Variants in MAD1L1 observed in about 807,000 individuals in gnomAD.
MAD1L1 encodes the protein mitotic arrest deficient 1 like 1.
A neutral mutation model predicts 96.9 loss-of-function variants in MAD1L1; 95 were observed. That is an observed-to-expected ratio of 0.98 (90% CI 0.83 to 1.16). The LOEUF (loss-of-function observed/expected upper bound fraction) is 1.16, where lower values mean the gene tolerates loss of function less well. Among genes scored for constraint, MAD1L1 ranks in the 50% most tolerant of loss-of-function variants. The pLI is 0.00. For synonymous variants in MAD1L1, 473 were observed against 396.6 expected (o/e 1.19, Z -2.29); for missense variants, 1,007 against 954.4 (o/e 1.06, Z -0.73).
At position 1,871,806 on chromosome 7, in the gene MAD1L1, G is replaced by A. The variant is rs181514700; in HGVS notation, c.1998+26394C>T. On this transcript the variant is annotated intron_variant, in intron 18 of 18. Transcript: ENST00000265854. The stretch of plus-strand genomic sequence containing the variant: ...CTGAACTCCTGCACCTGTGATGGCG[G>A]TGCAGGCTTCCCCGGAGGGCCAGCA... 4.6e-4 allele frequency among the ~76,000 whole-genome samples: 70 copies of A among 152,342 alleles called. 2 individuals carry two copies. In the East Asian group the frequency reaches 0.012, roughly 26 times the overall value.
intron 18 of MAD1L1, among the ~76,000 whole-genome samples, chr7:1,829,280 C>T (rs1235934832): frequency 6.6e-6 from 1 of 152,214 alleles, no homozygotes; most frequent in African/African-American, 2.4e-5. Context: ...TGCTGGCTTC[C>T]CCTCTGCAGT....
At chr7:2,124,557 G>C (rs1359389931) in intron 11 of MAD1L1, among the ~76,000 whole-genome samples, 1 of 152,200 alleles carries the variant, frequency 6.6e-6, no homozygotes, top group East Asian at 1.9e-4. Flanking sequence ...GACTGCCCAG[G>C]GGTGCAGTGA....
Position 1,939,637 on chromosome 7 carries a change from G to A in MAD1L1, c.1597-2740C>T, listed in dbSNP as rs539021451. 4.6e-5 allele frequency among the ~76,000 whole-genome samples: 7 copies of A among 152,322 alleles called. No homozygotes were observed. The South Asian group carries it at 1.2e-3, about 27-fold the overall frequency. ...GCAATGAGTTCCTGCCACCCTTGGGGCTTCTGCCCACGCACTCTCCTATCT... is the reference window on the plus strand; with the variant it reads ...GCAATGAGTTCCTGCCACCCTTGGGACTTCTGCCCACGCACTCTCCTATCT... On this transcript the variant is annotated intron_variant, in intron 16 of 18. Coordinates refer to ENST00000265854, the MANE Select transcript of MAD1L1 (RefSeq NM_001013836.2).
Position 1,894,836 on chromosome 7 carries a change from C to T in MAD1L1, c.1998+3364G>A, listed in dbSNP as rs1786767582. The stretch of plus-strand genomic sequence containing the variant: ...AGTAGAGGGTGGGGGTTGGGTGAGG[C>T]TGGGGGAAAGAGGCTGTGAAAAGAA... On this transcript the variant is annotated intron_variant, in intron 18 of 18. Transcript: ENST00000265854. Among the ~76,000 whole-genome samples the T allele has an allele frequency of 2.0e-5, 3 of 151,128 alleles. No individual in the cohort carries two copies. In the South Asian group the frequency reaches 6.3e-4, roughly 32 times the overall value.
intron 18 of MAD1L1, among the ~76,000 whole-genome samples, chr7:1,859,810 CA>C (rs1784434063): frequency 6.7e-6 from 1 of 149,966 alleles, no homozygotes. Flanking sequence ...ACGTGACATC[CA>C]GCGGGGTGGC....
chr7:1,898,070 TCCCGCCCAGCCCTC>T (rs1188697782), intron 18 of MAD1L1, 116 bp downstream of exon 18: 38 of 993,462 alleles, frequency 3.8e-5, no homozygotes, highest in Non-Finnish European at 5.1e-5. Context: ...TGCACCTCCT[TCCCGCCCAGCCCTC>T]CACACCATCC....
intron 18 of MAD1L1, among the ~76,000 whole-genome samples, chr7:1,859,571 A>C (rs1784418987): frequency 6.6e-6 from 1 of 152,106 alleles, no homozygotes; most frequent in Non-Finnish European, 1.5e-5. Flanking sequence ...TTCTCTGGGG[A>C]CCTTATGGCA....
chr7:2,165,356 G>A (rs1168866264), intron 10 of MAD1L1, among the ~76,000 whole-genome samples: 4 of 152,246 alleles, frequency 2.6e-5, no homozygotes, highest in African/African-American at 9.6e-5. Context: ...ATCTGGACGA[G>A]TGCACATGTT....
At chr7:1,929,317 T>C (rs12699477) in intron 17 of MAD1L1, among the ~76,000 whole-genome samples, 44,200 of 152,142 alleles carry the variant, frequency 0.29, 7,714 homozygotes, top group East Asian at 0.47. Context: ...TTTGATCACC[T>C]TCAATGTGCT....
intron 11 of MAD1L1, among the ~76,000 whole-genome samples, chr7:2,117,328 G>A (rs2128559408): frequency 6.6e-6 from 1 of 152,226 alleles, no homozygotes; most frequent in East Asian, 1.9e-4. Context: ...CACTGCTGGT[G>A]CGGACGGCAC....
At chr7:1,901,593 C>T (rs1021514838) in intron 17 of MAD1L1, among the ~76,000 whole-genome samples, 1 of 152,254 alleles carries the variant, frequency 6.6e-6, no homozygotes, top group Non-Finnish European at 1.5e-5. Context: ...CTGCCCAGCC[C>T]GGCTCGCTGT....
Position 2,146,865 on chromosome 7 carries a change from G to C in MAD1L1, c.1073+2287C>G, listed in dbSNP as rs913043423. 6.6e-6 allele frequency among the ~76,000 whole-genome samples: 1 copy of C among 152,180 alleles called. No homozygotes were observed. Among genetic ancestry groups the C allele is most frequent in the East Asian group, 1.9e-4 (1 of 5,190 alleles). ...TGACCCCGCCACGGCAGGCCGCGAC[G>C]AACACGGTGTCCCGCCACGGAAGAG... On this transcript the variant is annotated intron_variant, in intron 11 of 18. Coordinates refer to ENST00000265854, the MANE Select transcript of MAD1L1 (RefSeq NM_001013836.2). This position sits in a 1 kb window ranked among gnomAD's most constrained non-coding sequence, Gnocchi z 6.2.
chr7:2,127,598 T>A (rs764595644), intron 11 of MAD1L1, among the ~76,000 whole-genome samples: 1 of 151,934 alleles, frequency 6.6e-6, no homozygotes, highest in Non-Finnish European at 1.5e-5. Flanking sequence ...ACCTGGGGTC[T>A]AGGGTGGGGA....
chr7:2,061,610 T>C (rs1340272470), intron 12 of MAD1L1, among the ~76,000 whole-genome samples: 1 of 152,092 alleles, frequency 6.6e-6, no homozygotes, highest in East Asian at 1.9e-4. Context: ...GCACAGTAAC[T>C]CTGGCGGGGG....
At chr7:1,970,331 C>CTTTT (rs34240381) in intron 15 of MAD1L1, among the ~76,000 whole-genome samples, 16 of 116,502 alleles carry the variant, frequency 1.4e-4, no homozygotes, top group East Asian at 2.4e-4. Context: ...TTAATTTTTA[C>CTTTT]TTTTTTTTTT....
At chr7:1,970,878 T>C (rs67271841) in intron 15 of MAD1L1, among the ~76,000 whole-genome samples, 9,506 of 152,288 alleles carry the variant, frequency 0.062, 436 homozygotes, top group Admixed American at 0.11. Context: ...GTAGCCTCTA[T>C]GACCTGCTCC....
chr7:1,949,030 C>T (rs368109414), intron 16 of MAD1L1, among the ~76,000 whole-genome samples: 12 of 152,204 alleles, frequency 7.9e-5, no homozygotes, highest in East Asian at 3.8e-4. Context: ...TGCCCCAGGA[C>T]GCCATGTGGG....
intron 18 of MAD1L1, among the ~76,000 whole-genome samples, chr7:1,860,956 G>A (rs964487012): frequency 1.8e-4 from 28 of 152,206 alleles, no homozygotes; most frequent in African/African-American, 6.8e-4. Flanking sequence ...TTGCCTGGAG[G>A]GGCTAGTCTA....
chr7:2,133,981 GTGT>G (rs1289274518), intron 11 of MAD1L1, among the ~76,000 whole-genome samples: 1 of 152,168 alleles, frequency 6.6e-6, no homozygotes, highest in African/African-American at 2.4e-5. Context: ...CAGTTTTCCG[GTGT>G]TGTTCACTGG....
Sources: allele counts gnomAD v4.1 joint callset (sites outside exome capture counted in the v4.1 genomes callset), GRCh38; gene constraint gnomAD v4.1.1; non-coding constraint Gnocchi (gnomAD v3.1); transcripts MANE v1.5; gene names NCBI Gene and HGNC (gene_info 2026-07-23, HGNC 2026-07-21).